The following ADD3 variants were observed in gnomAD, a reference collection of about 807,000 sequenced individuals.
ADD3 encodes adducin 3, also known as gamma-adducin.
Under a neutral mutation model 80.2 loss-of-function variants are expected in ADD3, and 25 were observed. The ratio of observed to expected loss-of-function variants is 0.31; its 90% CI spans 0.23 to 0.44. The LOEUF is 0.44. Ranked by LOEUF, ADD3 falls within the 20% of genes least tolerant of loss-of-function variation. The probability of loss-of-function intolerance (pLI) is 1.00; values close to 1 mark genes in which losing one functional copy is unlikely to be tolerated. For missense variants in ADD3, 829 were observed against 847.5 expected (o/e 0.98, Z 0.27); for synonymous variants, 284 against 289.6 (o/e 0.98, Z 0.20).
chr10:110,131,483 C>A (rs1207249378), intron 13 of ADD3, among the ~76,000 whole-genome samples: 2 of 152,150 alleles, frequency 1.3e-5, no homozygotes, highest in African/African-American at 4.8e-5. Context: ...TTAGAGCATC[C>A]ACAACATACA....
intron 12 of ADD3, among the ~76,000 whole-genome samples, chr10:110,129,298 C>T (rs1407411647): frequency 6.6e-6 from 1 of 152,000 alleles, no homozygotes; most frequent in Non-Finnish European, 1.5e-5. Context: ...TACAGGCATG[C>T]ACCACCATGC....
intron 1 of ADD3, among the ~76,000 whole-genome samples, chr10:110,049,642 C>T (rs1481610429): frequency 1.3e-5 from 2 of 152,204 alleles, no homozygotes; most frequent in African/African-American, 2.4e-5. Flanking sequence ...AAGCCCAGCA[C>T]TTTGGGAGGC....
At chr10:110,090,216 C>CTTTTTT (rs144120692) in intron 1 of ADD3, among the ~76,000 whole-genome samples, 7 of 113,930 alleles carry the variant, frequency 6.1e-5, no homozygotes, top group African/African-American at 1.9e-4. Flanking sequence ...ACCTACTTGA[C>CTTTTTT]TTTTTTTTTT....
intron 2 of ADD3, among the ~76,000 whole-genome samples, chr10:110,102,787 A>G (rs566540882): frequency 6.6e-6 from 1 of 152,202 alleles, no homozygotes; most frequent in Admixed American, 6.5e-5. Flanking sequence ...AAAAATTACT[A>G]AACTCCATTT....
At chr10:110,053,212 T>C (rs1857732221) in intron 1 of ADD3, among the ~76,000 whole-genome samples, 1 of 152,040 alleles carries the variant, frequency 6.6e-6, no homozygotes, top group Non-Finnish European at 1.5e-5. Context: ...TTTAGTTCAA[T>C]AGTAATAAAA....
intron 1 of ADD3, among the ~76,000 whole-genome samples, chr10:110,089,716 A>G (rs993348001): frequency 6.6e-6 from 1 of 151,274 alleles, no homozygotes; most frequent in Non-Finnish European, 1.5e-5. Context: ...TATATATGAT[A>G]TATGTTTATA....
At chr10:110,045,025 G>A (rs1856769408) in intron 1 of ADD3, among the ~76,000 whole-genome samples, 2 of 152,178 alleles carry the variant, frequency 1.3e-5, no homozygotes, top group African/African-American at 2.4e-5. Flanking sequence ...TGGTTACTTA[G>A]TAGAAAATAC....
rs1352064213 is a variant in ADD3, at chr10:110,050,453, AC to A, written c.-30+42156del. Among the ~76,000 whole-genome samples the A allele has an allele frequency of 1.0e-4, 15 of 147,292 alleles. 1 individual carries two copies. The East Asian group carries it at 2.8e-3, about 27-fold the overall frequency. ...ATATAAGACATGTCTTTTGCCTTCCACCGTGATTGTGAGTCCTCCCCAGCCA... is the reference window on the plus strand; with the variant it reads ...ATATAAGACATGTCTTTTGCCTTCCACGTGATTGTGAGTCCTCCCCAGCCA... On this transcript the variant is annotated intron_variant, in intron 1 of 14. Transcript: ENST00000356080.
At chr10:110,003,233 C>A (rs535498679), upstream of ADD3, among the ~76,000 whole-genome samples, 1 of 151,932 alleles carries the variant, frequency 6.6e-6, no homozygotes, top group East Asian at 1.9e-4. Context: ...ATTCAAATGG[C>A]ATATGCATAT....
intron 1 of ADD3, among the ~76,000 whole-genome samples, chr10:110,069,354 G>A (rs568566737): frequency 6.6e-6 from 1 of 152,080 alleles, no homozygotes; most frequent in Non-Finnish European, 1.5e-5. Context: ...CTCATCAATA[G>A]TAAGTTGATC....
In ADD3 at chr10:110,041,311, G is replaced by C. The variant is rs542627282; in HGVS notation, c.-30+33012G>C. Among the ~76,000 whole-genome samples, 8 of 152,286 alleles carry C rather than the reference G, an allele frequency of 5.3e-5. No individual in the cohort carries two copies. The East Asian group carries it at 1.2e-3, about 22-fold the overall frequency. On this transcript the variant is annotated intron_variant, in intron 1 of 14. Transcript: ENST00000356080. ...TGAGGTTTTCCAAGGTGAATGTGCA[G>C]AGTGAGAGAAGTACACCAGGGATGG...
upstream of ADD3, among the ~76,000 whole-genome samples, chr10:110,001,282 G>A (rs1564822530): frequency 6.6e-6 from 1 of 151,972 alleles, no homozygotes; most frequent in South Asian, 2.1e-4. Context: ...AGGCATAGTG[G>A]TGCACACCTG....
At chr10:110,019,648 C>G (rs1307596040) in intron 1 of ADD3, among the ~76,000 whole-genome samples, 1 of 152,246 alleles carries the variant, frequency 6.6e-6, no homozygotes, top group Admixed American at 6.5e-5. Flanking sequence ...GCCACTGTGC[C>G]TGGCTAGTTT....
chr10:110,065,707 T>C (rs1843864922), intron 1 of ADD3, among the ~76,000 whole-genome samples: 1 of 150,828 alleles, frequency 6.6e-6, no homozygotes, highest in Non-Finnish European at 1.5e-5. Flanking sequence ...GCCCGGCTAG[T>C]TTTTGTATTT....
intron 2 of ADD3, among the ~76,000 whole-genome samples, chr10:110,102,993 C>T (rs1485942532): frequency 1.3e-5 from 2 of 152,062 alleles, no homozygotes; most frequent in South Asian, 2.1e-4. Context: ...ATTCACTTAA[C>T]GAGAATGATC....
At chr10:110,044,956 G>A (rs1011183752) in intron 1 of ADD3, among the ~76,000 whole-genome samples, 2 of 152,258 alleles carry the variant, frequency 1.3e-5, no homozygotes, top group Non-Finnish European at 2.9e-5. Context: ...GAATCTTACT[G>A]TAAAGTAGTT....
intron 1 of ADD3, among the ~76,000 whole-genome samples, chr10:110,049,256 G>T (rs909152272): frequency 2.6e-5 from 4 of 152,212 alleles, no homozygotes; most frequent in African/African-American, 9.7e-5. Flanking sequence ...TTGCTGCAGG[G>T]CTGGGGCCGT....
At chr10:110,077,909 G>C (rs1471116027) in intron 1 of ADD3, among the ~76,000 whole-genome samples, 1 of 152,172 alleles carries the variant, frequency 6.6e-6, no homozygotes, top group Non-Finnish European at 1.5e-5. Context: ...GAGAGGCTGT[G>C]CTTTGTGTTA....
intron 2 of ADD3, 34 bp from the exon 3 acceptor site, chr10:110,112,743 T>C: frequency 1.3e-6 from 2 of 1,593,824 alleles, no homozygotes; most frequent in Non-Finnish European, 1.7e-6. Context: ...CCATTCAGTC[T>C]TGCTTGCTCA....
Sources: allele counts gnomAD v4.1 joint callset (sites outside exome capture counted in the v4.1 genomes callset), GRCh38; gene constraint gnomAD v4.1.1; transcripts MANE v1.5; gene names NCBI Gene and HGNC (gene_info 2026-07-23, HGNC 2026-07-21).